Variants in CROT observed in about 807,000 individuals in gnomAD.
CROT encodes carnitine O-octanoyltransferase.
In CROT, 84 loss-of-function variants were observed where a neutral mutation model predicts 89.2. The observed-to-expected ratio is 0.94, with a 90% confidence interval of 0.79 to 1.13. The LOEUF (loss-of-function observed/expected upper bound fraction) is 1.13. Among genes scored for constraint, CROT ranks in the 50% most tolerant of loss-of-function variants. CROT has a pLI of 0.00. For synonymous variants in CROT, 212 were observed against 239.5 expected, an observed-to-expected ratio of 0.89 and a Z score of 1.06; for missense variants, 711 against 727.8, an observed-to-expected ratio of 0.98 and a Z score of 0.27.
chr7:87,387,329 T>A (rs1215830145), intron 13 of CROT, among the ~76,000 whole-genome samples: 1 of 152,126 alleles, frequency 6.6e-6, no homozygotes, highest in African/African-American at 2.4e-5. Context: ...AGTATAATTA[T>A]CAGTAAATTT....
chr7:87,357,787 A>G (rs910980044), intron 3 of CROT, among the ~76,000 whole-genome samples: 16 of 152,316 alleles, frequency 1.1e-4, no homozygotes, highest in Admixed American at 5.9e-4. Context: ...ACAATTTATT[A>G]TTCTATTGAT....
chr7:87,355,721 CTG>C (rs1227305289), intron 3 of CROT, among the ~76,000 whole-genome samples: 4 of 152,018 alleles, frequency 2.6e-5, no homozygotes, highest in African/African-American at 9.7e-5. Context: ...AAATACAACT[CTG>C]AGACTCAAAT....
At chr7:87,349,250 T>C in intron 3 of CROT, 67 bp downstream of exon 3, 2 of 744,548 alleles carry the variant, frequency 2.7e-6, no homozygotes, top group African/African-American at 1.8e-5. Context: ...ATACTGTTGC[T>C]GGAGAAGGGG....
chr7:87,362,977 A>G lies in CROT; in HGVS notation c.547+1125A>G, dbSNP rs191295614. On this transcript the variant is annotated intron_variant, in intron 6 of 17. Transcript: ENST00000331536. ...GTGAAACAATTAAAAGATTAGGGAA[A>G]CTGAGTTATTCATGGTCTAAAGTTT... Among the ~76,000 whole-genome samples, 94 of 152,270 alleles carry G rather than the reference A, an allele frequency of 6.2e-4. 2 individuals carry two copies. The highest frequency in any genetic ancestry group is 3.8e-4 in the Non-Finnish European group (26 of 68,026).
intron 6 of CROT, among the ~76,000 whole-genome samples, chr7:87,367,658 T>C (rs142714445): frequency 1.3e-5 from 2 of 152,350 alleles, no homozygotes; most frequent in East Asian, 3.9e-4. Context: ...AACTCTTCTA[T>C]ATCTGTGCTG....
rs147667081 is a variant in CROT at position 87,350,692 on chromosome 7, T to C, written c.115+1509T>C. ...CCATCCCCAAGGAGAAGGATGAGCA[T>C]GCAATCTTAGAGATTTATTTTGCCA... is the stretch of plus-strand genomic sequence containing the variant. On this transcript the variant is annotated intron_variant, in intron 3 of 17. Transcript: ENST00000331536. 2.8e-4 allele frequency among the ~76,000 whole-genome samples: 42 copies of C among 152,298 alleles called. 1 individual carries two copies. The highest frequency in any genetic ancestry group is 3.3e-4 in the Admixed American group (5 of 15,298).
chr7:87,353,229 C>T (rs976287637), intron 3 of CROT, among the ~76,000 whole-genome samples: 1 of 151,958 alleles, frequency 6.6e-6, no homozygotes, highest in African/African-American at 2.4e-5. Flanking sequence ...CTCACTGCAA[C>T]CTCTGCTCCC....
Position 87,377,331 on chromosome 7 carries a change from A to C in CROT, c.877-18A>C. 1 of 1,523,172 alleles carries C rather than the reference A, an allele frequency of 6.6e-7. No individual in the cohort carries two copies. The highest frequency in any genetic ancestry group is 9.0e-7 in the Non-Finnish European group (1 of 1,108,426). 94.4% of individuals were successfully genotyped at this position (1,523,172 alleles called of 1,614,324 possible). A position where few individuals can be genotyped will look rare whatever the true frequency, so the allele number is the denominator to read the frequency against. ...AATATTAAACCCTTTTAATTTGGAAAAATTAAATTTATTTTAGATTATTGC... is the reference window on the plus strand; with the variant it reads ...AATATTAAACCCTTTTAATTTGGAACAATTAAATTTATTTTAGATTATTGC... On this transcript the variant is annotated intron_variant, in intron 9 of 17. Transcript: ENST00000331536.
intron 6 of CROT, among the ~76,000 whole-genome samples, chr7:87,367,278 T>A (rs1191667424): frequency 6.6e-6 from 1 of 152,178 alleles, no homozygotes; most frequent in African/African-American, 2.4e-5. Flanking sequence ...AAGGTTATGA[T>A]CTTCCCTTGA....
chr7:87,367,018 A>G (rs889327695), intron 6 of CROT, among the ~76,000 whole-genome samples: 1 of 152,186 alleles, frequency 6.6e-6, no homozygotes, highest in Non-Finnish European at 1.5e-5. Context: ...CAATCTTCCC[A>G]TCATGACATT....
intron 7 of CROT, among the ~76,000 whole-genome samples, chr7:87,372,078 G>A (rs1007178318): frequency 1.3e-5 from 2 of 151,130 alleles, no homozygotes; most frequent in Non-Finnish European, 2.9e-5. Context: ...ATTGTTGTTC[G>A]AATTGGCATA....
chr7:87,377,692 T>G (rs889133941), intron 10 of CROT, among the ~76,000 whole-genome samples: 6 of 152,182 alleles, frequency 3.9e-5, no homozygotes, highest in Non-Finnish European at 8.8e-5. Context: ...ATAATATTTA[T>G]GTAATATAAG....
intron 7 of CROT, among the ~76,000 whole-genome samples, chr7:87,374,866 C>G (rs181342250): frequency 6.6e-6 from 1 of 151,982 alleles, no homozygotes; most frequent in African/African-American, 2.4e-5. Flanking sequence ...CATTAGCTCA[C>G]TTCCTGAGAA....
At chr7:87,367,067 A>G (rs1429964011) in intron 6 of CROT, among the ~76,000 whole-genome samples, 1 of 152,192 alleles carries the variant, frequency 6.6e-6, no homozygotes, top group East Asian at 1.9e-4. Flanking sequence ...ATGGTCCCCC[A>G]TAGATGTCTA....
At chr7:87,390,337 T>C (rs565184649) in intron 13 of CROT, among the ~76,000 whole-genome samples, 4 of 152,348 alleles carry the variant, frequency 2.6e-5, no homozygotes, top group African/African-American at 7.2e-5. Context: ...TCAGTAGTCA[T>C]TGAAGATCAT....
chr7:87,361,645 A>G, intron 5 of CROT, 74 bp downstream of exon 5: 1 of 1,527,050 alleles, frequency 6.5e-7, no homozygotes, highest in Non-Finnish European at 8.8e-7. Context: ...AGCTTAATTT[A>G]CTTATTTGGG....
At chr7:87,395,038 T>C (rs535709637) in intron 17 of CROT, among the ~76,000 whole-genome samples, 131 of 152,058 alleles carry the variant, frequency 8.6e-4, no homozygotes, top group African/African-American at 3.0e-3. Flanking sequence ...AGAAGTGTAT[T>C]AGTCAGGGTT....
intron 9 of CROT, 145 bp from the exon 10 acceptor site, chr7:87,377,204 G>A: frequency 1.9e-6 from 1 of 523,812 alleles, no homozygotes. Context: ...TCACATATCA[G>A]TGTTGCTGAT....
chr7:87,387,931 G>A lies in CROT; in HGVS notation c.1302-3658G>A, dbSNP rs566805125. ...CATGCCACTGCACTCCAGCCTGGGC[G>A]ACAGAGCAAGACTTTGGCACCATTG... On this transcript the variant is annotated intron_variant, in intron 13 of 17. Transcript: ENST00000331536. Among the ~76,000 whole-genome samples the A allele has an allele frequency of 1.1e-4, 16 of 152,290 alleles. No individual in the cohort carries two copies. In the South Asian group the frequency reaches 1.7e-3, roughly 16 times the overall value.
Sources: gnomAD v4.1 joint callset for allele counts (sites outside exome capture counted in the v4.1 genomes callset) on GRCh38, gnomAD v4.1.1 for gene constraint, MANE v1.5 for transcripts, NCBI Gene and HGNC (gene_info 2026-07-23, HGNC 2026-07-21) for gene names.